The following GRIK3 variants were observed in gnomAD, a reference collection of about 807,000 sequenced individuals.
GRIK3 encodes glutamate receptor ionotropic, kainate 3.
A neutral mutation model predicts 102.5 loss-of-function variants in GRIK3; 29 were observed. The observed-to-expected ratio is 0.28, with a 90% CI of 0.21 to 0.39. The LOEUF (loss-of-function observed/expected upper bound fraction) is 0.39, where lower values mean the gene tolerates loss of function less well. GRIK3 is among the 10% of genes least tolerant of loss of function. GRIK3 has a pLI of 1.00. For missense variants in GRIK3, 908 were observed against 1,252.4 expected (o/e 0.73, Z 4.15); for synonymous variants, 511 against 504.9 (o/e 1.01, Z -0.16).
chr1:36,870,926 G>T lies in GRIK3; in HGVS notation c.733-1125C>A, dbSNP rs1444725566. On this transcript the variant is annotated intron_variant, in intron 4 of 15. Coordinates refer to ENST00000373091, the MANE Select transcript of GRIK3 (RefSeq NM_000831.4). ...TACACATGCTGTCTGGGTGGTGGGG[G>T]TTGGGGTAGGGGGGAGAAGAGGCAC... Among the ~76,000 whole-genome samples the T allele has an allele frequency of 3.3e-5, 5 of 150,340 alleles. No individual in the cohort carries two copies. In the East Asian group the frequency reaches 9.8e-4, roughly 29 times the overall value.
At chr1:36,810,181 C>T (rs1453004848) in intron 13 of GRIK3, among the ~76,000 whole-genome samples, 1 of 152,174 alleles carries the variant, frequency 6.6e-6, no homozygotes, top group East Asian at 1.9e-4. Context: ...CCTTCATGGA[C>T]TCTCAGGTCC....
intron 1 of GRIK3, among the ~76,000 whole-genome samples, chr1:36,999,725 A>G (rs373501068): frequency 2.0e-5 from 3 of 152,300 alleles, no homozygotes; most frequent in East Asian, 3.9e-4. Flanking sequence ...TGGGGGTGAC[A>G]TATCCCAGCT....
At chr1:36,974,730 G>A (rs1186380947) in intron 1 of GRIK3, among the ~76,000 whole-genome samples, 6 of 151,552 alleles carry the variant, frequency 4.0e-5, no homozygotes, top group Admixed American at 1.3e-4. Flanking sequence ...GACCCAGGAG[G>A]CGGAGCTTGC....
At position 36,961,899 on chromosome 1, in the gene GRIK3, TCA is replaced by T. The variant is rs113202926; in HGVS notation, c.116-70805_116-70804del. Reference sequence around the variant, plus strand: ...CAACCAACCACCCTTGCTCTCGAGCTCACAGCCTGGTGGAAGGGGACAGAGAA... The same window carrying T: ...CAACCAACCACCCTTGCTCTCGAGCTCAGCCTGGTGGAAGGGGACAGAGAA... On this transcript the variant is annotated intron_variant, in intron 1 of 15. Coordinates refer to ENST00000373091, the MANE Select transcript of GRIK3 (RefSeq NM_000831.4). Among the ~76,000 whole-genome samples, 1,209 of 152,282 alleles carry T rather than the reference TCA, an allele frequency of 7.9e-3. 12 individuals are homozygous for T. Among genetic ancestry groups the T allele is most frequent in the African/African-American group, 0.026 (1,100 of 41,560 alleles).
chr1:37,000,880 G>A (rs1314847340), intron 1 of GRIK3, among the ~76,000 whole-genome samples: 1 of 152,182 alleles, frequency 6.6e-6, no homozygotes, highest in Non-Finnish European at 1.5e-5. Flanking sequence ...AAGCCCAAGG[G>A]AGTCTTTCAT....
intron 1 of GRIK3, among the ~76,000 whole-genome samples, chr1:36,942,702 A>C (rs3007628): frequency 0.064 from 9,669 of 151,832 alleles, 987 homozygotes; most frequent in African/African-American, 0.22. Context: ...CTGGGAAGTC[A>C]GGGGCCAAAA....
Position 36,859,168 on chromosome 1 carries a change from C to CA in GRIK3, c.1043dup (p.Gln349AlafsTer36). On this transcript the variant is annotated frameshift_variant, in exon 7 of 16. Transcript: ENST00000373091. LOFTEE classifies it high-confidence loss of function. ...GCCAGGCCTTGTGCCGATGGCACTGCAGGGAGTTCACGGTCATCTGTGGTG... is the reference window on the plus strand; with the variant it reads ...GCCAGGCCTTGTGCCGATGGCACTGCAAGGGAGTTCACGGTCATCTGTGGTG... 1 of 1,613,940 alleles carries CA rather than the reference C, an allele frequency of 6.2e-7. No homozygotes were observed. Among genetic ancestry groups the CA allele is most frequent in the Non-Finnish European group, 8.5e-7 (1 of 1,179,818 alleles).
At chr1:37,011,426 T>C (rs957539044) in intron 1 of GRIK3, among the ~76,000 whole-genome samples, 6 of 152,176 alleles carry the variant, frequency 3.9e-5, no homozygotes, top group Non-Finnish European at 8.8e-5. Flanking sequence ...GTGCTTCCCA[T>C]AGTCACTCAG....
chr1:37,003,127 G>A (rs1642495943), intron 1 of GRIK3, among the ~76,000 whole-genome samples: 1 of 147,416 alleles, frequency 6.8e-6, no homozygotes, highest in Non-Finnish European at 1.5e-5. Flanking sequence ...AGAGTCAAAT[G>A]TTTGGCCCGA....
At chr1:36,915,766 G>A (rs1216664028) in intron 1 of GRIK3, among the ~76,000 whole-genome samples, 1 of 152,124 alleles carries the variant, frequency 6.6e-6, no homozygotes, top group African/African-American at 2.4e-5. Flanking sequence ...CATCATGATT[G>A]TGAGGGCTCC....
At chr1:36,895,387 G>A (rs1378374546) in intron 1 of GRIK3, among the ~76,000 whole-genome samples, 1 of 151,942 alleles carries the variant, frequency 6.6e-6, no homozygotes, top group African/African-American at 2.4e-5. Context: ...AATGGATAAA[G>A]AGGACAGCAT....
chr1:37,010,545 G>T (rs927305476), intron 1 of GRIK3, among the ~76,000 whole-genome samples: 2 of 151,970 alleles, frequency 1.3e-5, no homozygotes, highest in African/African-American at 4.8e-5. Flanking sequence ...GGAGTGAAGG[G>T]GGTGCTATTC....
At chr1:36,977,231 T>C (rs1159827668) in intron 1 of GRIK3, among the ~76,000 whole-genome samples, 2 of 152,232 alleles carry the variant, frequency 1.3e-5, no homozygotes, top group East Asian at 1.9e-4. Flanking sequence ...TGAATCCTTA[T>C]AGGGTAACAA....
At chr1:36,843,869 C>A in intron 9 of GRIK3, among the ~76,000 whole-genome samples, 1 of 152,266 alleles carries the variant, frequency 6.6e-6, no homozygotes. Flanking sequence ...AAGCTCATGT[C>A]TGCATGCCCA....
At chr1:37,029,722 C>T (rs754200260) in intron 1 of GRIK3, among the ~76,000 whole-genome samples, 2 of 152,174 alleles carry the variant, frequency 1.3e-5, no homozygotes, top group African/African-American at 2.4e-5. Flanking sequence ...CCTGTGGGAA[C>T]GTGGGGATTC....
intron 5 of GRIK3, among the ~76,000 whole-genome samples, chr1:36,866,343 T>A (rs998469630): frequency 6.6e-6 from 1 of 152,222 alleles, no homozygotes; most frequent in African/African-American, 2.4e-5. Flanking sequence ...TGGTGTGGAC[T>A]TTCAGCATGA....
At chr1:36,970,461 T>A (rs1448735611) in intron 1 of GRIK3, among the ~76,000 whole-genome samples, 1 of 152,214 alleles carries the variant, frequency 6.6e-6, no homozygotes, top group Non-Finnish European at 1.5e-5. Context: ...TATGCACCAT[T>A]CACCTCACAT....
chr1:36,962,950 G>C (rs1642031799), intron 1 of GRIK3, among the ~76,000 whole-genome samples: 2 of 151,608 alleles, frequency 1.3e-5, no homozygotes, highest in African/African-American at 2.4e-5. Flanking sequence ...GATGAGGAGA[G>C]AGATGACCTG....
At chr1:36,975,288 G>GTTTTTTTTTT (rs61125066) in intron 1 of GRIK3, among the ~76,000 whole-genome samples, 2,116 of 113,206 alleles carry the variant, frequency 0.019, 284 homozygotes, top group African/African-American at 0.076. Flanking sequence ...TCTAAAGTTG[G>GTTTTTTTTTT]TTTTTTTTTT....
Sources: gnomAD v4.1 joint callset for allele counts (sites outside exome capture counted in the v4.1 genomes callset) on GRCh38, gnomAD v4.1.1 for gene constraint, MANE v1.5 for transcripts, NCBI Gene and HGNC (gene_info 2026-07-23, HGNC 2026-07-21) for gene names.